The following ADGB variants were observed in gnomAD, a reference collection of about 807,000 sequenced individuals.
ADGB encodes calpain-7-like protein.
In ADGB, 172 loss-of-function variants were observed where a neutral mutation model predicts 210.5. The ratio of observed to expected loss-of-function variants is 0.82; its 90% CI spans 0.72 to 0.93. ADGB has a LOEUF of 0.93. Among genes scored for constraint, ADGB ranks in the 40% least tolerant of loss-of-function variants. The pLI, the probability that ADGB is intolerant of heterozygous loss-of-function variation, is 0.00. For missense variants in ADGB, 2,025 were observed against 1,964.8 expected (o/e 1.03, Z -0.58); for synonymous variants, 658 against 662.7 (o/e 0.99, Z 0.11).
At chr6:146,738,850 G>T (rs987644033) in intron 23 of ADGB, among the ~76,000 whole-genome samples, 2 of 152,088 alleles carry the variant, frequency 1.3e-5, no homozygotes, top group Non-Finnish European at 2.9e-5. Context: ...GCATTGTGGG[G>T]CCTATCATAG....
At chr6:146,719,240 G>A (rs1386308056) in intron 16 of ADGB, among the ~76,000 whole-genome samples, 1 of 152,160 alleles carries the variant, frequency 6.6e-6, no homozygotes, top group Non-Finnish European at 1.5e-5. Flanking sequence ...AATGTTGGCT[G>A]CCATTTACTA....
chr6:146,662,629 C>T (rs116174513), intron 5 of ADGB, among the ~76,000 whole-genome samples: 361 of 151,976 alleles, frequency 2.4e-3, no homozygotes, highest in Middle Eastern at 6.8e-3. Context: ...GGCCTGTCGA[C>T]TGTATTTTCC....
intron 1 of ADGB, among the ~76,000 whole-genome samples, chr6:146,607,447 A>G (rs1185594134): frequency 6.6e-6 from 1 of 152,088 alleles, no homozygotes; most frequent in East Asian, 1.9e-4. Context: ...AGGAGTGGTG[A>G]GAGTAGGCAT....
At chr6:146,739,286 A>G (rs1429170682) in intron 23 of ADGB, among the ~76,000 whole-genome samples, 1 of 152,204 alleles carries the variant, frequency 6.6e-6, no homozygotes, top group East Asian at 1.9e-4. Context: ...TGCACTTTAT[A>G]GCTCCTACTT....
intron 12 of ADGB, among the ~76,000 whole-genome samples, chr6:146,700,520 T>C (rs1043910621): frequency 6.6e-6 from 1 of 152,174 alleles, no homozygotes; most frequent in Non-Finnish European, 1.5e-5. Flanking sequence ...AGGAAGACTG[T>C]ATGCTCGGGT....
chr6:146,605,734 TA>T (rs2114824404), intron 1 of ADGB, among the ~76,000 whole-genome samples: 1 of 152,304 alleles, frequency 6.6e-6, no homozygotes, highest in African/African-American at 2.4e-5. Flanking sequence ...TGTATGTTTT[TA>T]AGTGTAAAAA....
At chr6:146,635,654 A>G in intron 2 of ADGB, 117 bp downstream of exon 2, 2 of 1,120,284 alleles carry the variant, frequency 1.8e-6, no homozygotes. Flanking sequence ...CAAAAGGGAA[A>G]TTTTTTATTT....
At chr6:146,697,902 T>G (rs1003661030) in intron 12 of ADGB, among the ~76,000 whole-genome samples, 1 of 152,006 alleles carries the variant, frequency 6.6e-6, no homozygotes, top group African/African-American at 2.4e-5. Context: ...AAAAGTGAAA[T>G]AAAGACTGCT....
chr6:146,665,360 T>C (rs1775924974), intron 6 of ADGB, among the ~76,000 whole-genome samples: 1 of 152,078 alleles, frequency 6.6e-6, no homozygotes, highest in South Asian at 2.1e-4. Flanking sequence ...CCCTCAGTTT[T>C]CCTTTGGGAA....
intron 26 of ADGB, among the ~76,000 whole-genome samples, chr6:146,748,762 T>C (rs1777278642): frequency 6.6e-6 from 1 of 152,180 alleles, no homozygotes. Flanking sequence ...AAATTTTTTG[T>C]AGAGACAGAC....
chr6:146,729,293 A>G (rs1244448157), intron 20 of ADGB, among the ~76,000 whole-genome samples: 3 of 152,150 alleles, frequency 2.0e-5, no homozygotes, highest in African/African-American at 7.2e-5. Flanking sequence ...CACACTATTG[A>G]CATTTTGGGT....
chr6:146,802,622 A>G (rs1307010725), intron 35 of ADGB: 4 of 620,236 alleles, frequency 6.4e-6, no homozygotes, highest in African/African-American at 1.9e-5. Flanking sequence ...TTCCACTTCA[A>G]TGTGAAGCAG....
At chr6:146,681,151 C>G (rs989562170) in intron 9 of ADGB, among the ~76,000 whole-genome samples, 1 of 152,096 alleles carries the variant, frequency 6.6e-6, no homozygotes, top group Non-Finnish European at 1.5e-5. Context: ...ATTGTAATCC[C>G]CAGTGCTGGA....
intron 27 of ADGB, among the ~76,000 whole-genome samples, chr6:146,752,948 A>G (rs1338131146): frequency 6.6e-6 from 1 of 152,070 alleles, no homozygotes; most frequent in Non-Finnish European, 1.5e-5. Context: ...CTATTATATG[A>G]GCCTTCTTAA....
chr6:146,757,250 A>G (rs1479900985), intron 27 of ADGB, among the ~76,000 whole-genome samples: 4 of 151,898 alleles, frequency 2.6e-5, no homozygotes, highest in Non-Finnish European at 4.4e-5. Flanking sequence ...GATATTTGCT[A>G]TTTTAGAATA....
chr6:146,600,741 C>A (rs1330384872), intron 1 of ADGB, among the ~76,000 whole-genome samples: 1 of 146,294 alleles, frequency 6.8e-6, no homozygotes. Context: ...CATTTGTCTT[C>A]CCAATAGGGA....
intron 7 of ADGB, among the ~76,000 whole-genome samples, chr6:146,667,584 A>G (rs1265412458): frequency 6.6e-6 from 1 of 152,004 alleles, no homozygotes; most frequent in Non-Finnish European, 1.5e-5. Flanking sequence ...CCACACTTAT[A>G]TATATACTAT....
intron 1 of ADGB, among the ~76,000 whole-genome samples, chr6:146,623,657 C>A (rs1229134462): frequency 6.6e-6 from 1 of 151,746 alleles, no homozygotes; most frequent in East Asian, 1.9e-4. Context: ...ATATTCTTGT[C>A]CTATTTCTAA....
At chr6:146,813,475 T>C (rs1381442267) in intron 35 of ADGB, among the ~76,000 whole-genome samples, 1 of 152,140 alleles carries the variant, frequency 6.6e-6, no homozygotes, top group Non-Finnish European at 1.5e-5. Flanking sequence ...GGTCACTTTG[T>C]ATGTGTATTT....
Sources: allele counts gnomAD v4.1 joint callset (sites outside exome capture counted in the v4.1 genomes callset), GRCh38; gene constraint gnomAD v4.1.1; transcripts MANE v1.5; gene names NCBI Gene and HGNC (gene_info 2026-07-23, HGNC 2026-07-21).